The following PCSK5 variants were observed in gnomAD, a reference collection of about 807,000 sequenced individuals.
PCSK5 encodes the protein prohormone convertase 5.
PCSK5 carries 129 observed loss-of-function variants against 233.2 expected under a neutral mutation model. The observed-to-expected ratio is 0.55, with a 90% CI of 0.48 to 0.64. The LOEUF (loss-of-function observed/expected upper bound fraction) is 0.64, where lower values mean the gene tolerates loss of function less well. Among genes scored for constraint, PCSK5 ranks in the 30% least tolerant of loss-of-function variants. The pLI is 0.00. For synonymous variants in PCSK5, 825 were observed against 879.2 expected, an observed-to-expected ratio of 0.94 and a Z score of 1.09; for missense variants, 2,076 against 2,430.1, an observed-to-expected ratio of 0.85 and a Z score of 3.06.
rs1826343471 is a variant in PCSK5 at position 76,239,019 on chromosome 9, G to C, written c.2927G>C (p.Gly976Ala). ...GAGTGTGGAGATAGCTGCCCAGAGG[G>C]CCACTATGCCACTGAGGGGAACACC... ...QGECGDSCPEGHYATEGNTCL... is the reference protein window; with the variant it reads ...QGECGDSCPEAHYATEGNTCL... The change falls in exon 23 of 38, where the codon GGC becomes GCC. Residue 976 changes from glycine to alanine, a missense_variant. By Grantham distance (60) the Gly-to-Ala change is moderately conservative. Around this residue, in one of 6 missense-constraint regions of PCSK5, gnomAD observed 1,510 missense variants for 1,538.1 expected, o/e 0.98. Coordinates refer to ENST00000674117, the MANE Select transcript of PCSK5 (RefSeq NM_001372043.1). 1.2e-6 allele frequency: 2 copies of C among 1,611,968 alleles called. No homozygotes were observed. The highest frequency in any genetic ancestry group is 1.1e-5 in the South Asian group (1 of 90,736).
intron 24 of PCSK5, among the ~76,000 whole-genome samples, chr9:76,282,699 G>A (rs545427561): frequency 2.0e-5 from 3 of 152,270 alleles, no homozygotes; most frequent in Non-Finnish European, 4.4e-5. Flanking sequence ...GTGTGATGCC[G>A]AGGTTTGGGG....
chr9:75,901,140 T>G (rs1184404912), intron 1 of PCSK5, among the ~76,000 whole-genome samples: 1 of 152,182 alleles, frequency 6.6e-6, no homozygotes, highest in Non-Finnish European at 1.5e-5. Context: ...AAAAGGATTA[T>G]AAATCATTCT....
At chr9:76,294,194 CA>C (rs11415964) in intron 25 of PCSK5, among the ~76,000 whole-genome samples, 34,783 of 99,694 alleles carry the variant, frequency 0.35, 3,829 homozygotes, top group Middle Eastern at 0.44. Flanking sequence ...GATTTAGTCT[CA>C]AAAAAAAAAA....
chr9:75,892,665 A>AC (rs1177401970), intron 1 of PCSK5, among the ~76,000 whole-genome samples: 1 of 151,572 alleles, frequency 6.6e-6, no homozygotes, highest in Non-Finnish European at 1.5e-5. Context: ...ACCCGGGGAC[A>AC]CCCCCCGCCC....
chr9:76,170,418 A>C (rs1225346354), intron 13 of PCSK5, among the ~76,000 whole-genome samples: 1 of 152,220 alleles, frequency 6.6e-6, no homozygotes, highest in Non-Finnish European at 1.5e-5. Context: ...AGGTAGGCTC[A>C]GTCTGTTTCT....
intron 3 of PCSK5, among the ~76,000 whole-genome samples, chr9:76,004,167 A>C (rs543537559): frequency 6.6e-6 from 1 of 152,048 alleles, no homozygotes; most frequent in Non-Finnish European, 1.5e-5. Flanking sequence ...GAAACTGAGG[A>C]GGGTAGGAAG....
intron 5 of PCSK5, among the ~76,000 whole-genome samples, chr9:76,042,143 G>C (rs1454769034): frequency 1.3e-5 from 2 of 152,142 alleles, no homozygotes; most frequent in Non-Finnish European, 2.9e-5. Context: ...CAAGATCATT[G>C]CCCCCTTTTC....
At chr9:76,186,662 G>C (rs1302852434) in intron 17 of PCSK5, among the ~76,000 whole-genome samples, 1 of 152,056 alleles carries the variant, frequency 6.6e-6, no homozygotes, top group African/African-American at 2.4e-5. Flanking sequence ...TGCAACCTCT[G>C]TGTCCTGCTG....
At position 75,906,272 on chromosome 9, in the gene PCSK5, C is replaced by T. The variant is rs370194208; in HGVS notation, c.192+14899C>T. ...ACAGAGTCTCCCACTGTCGCCTAGGCTGGAGTGCAGTGGCGCAATCTCGGC... is the reference window on the plus strand; with the variant it reads ...ACAGAGTCTCCCACTGTCGCCTAGGTTGGAGTGCAGTGGCGCAATCTCGGC... On this transcript the variant is annotated intron_variant, in intron 1 of 37. Transcript: ENST00000674117. 4.4e-3 allele frequency among the ~76,000 whole-genome samples: 666 copies of T among 152,224 alleles called. 2 individuals carry two copies. Among genetic ancestry groups the T allele is most frequent in the African/African-American group, 0.015 (639 of 41,554 alleles).
chr9:76,064,723 C>T (rs1242055686), intron 5 of PCSK5, among the ~76,000 whole-genome samples: 1 of 148,062 alleles, frequency 6.8e-6, no homozygotes, highest in African/African-American at 2.5e-5. Flanking sequence ...CGCTCCTCAC[C>T]TCCCAGACGG....
In PCSK5 at chr9:75,992,554, G is replaced by A. The variant is rs373582895; in HGVS notation, c.411+6309G>A. On this transcript the variant is annotated intron_variant, in intron 3 of 37. Transcript: ENST00000674117. The stretch of plus-strand genomic sequence containing the variant: ...GCCAATAATGATTTTGGAGAATCCC[G>A]TAGTAAATAACTTTAAATACACACA... 1.8e-4 allele frequency among the ~76,000 whole-genome samples: 28 copies of A among 152,012 alleles called. No homozygotes were observed. The South Asian group carries it at 3.3e-3, about 18-fold the overall frequency.
At position 76,096,453 on chromosome 9, in the gene PCSK5, T is replaced by G. The variant is rs546328650; in HGVS notation, c.1107+351T>G. Among the ~76,000 whole-genome samples, 181 of 152,310 alleles carry G rather than the reference T, an allele frequency of 1.2e-3. 4 individuals are homozygous for G. In the South Asian group the frequency reaches 0.014, roughly 12 times the overall value. On this transcript the variant is annotated intron_variant, in intron 8 of 37. Transcript: ENST00000674117. ...AGTCCTGTACTCCTATCACTGTGTT[T>G]CCGCACCGACTTTTAACTTTAGCTT...
At chr9:76,085,745 G>A (rs994320357) in intron 7 of PCSK5, among the ~76,000 whole-genome samples, 18 of 152,172 alleles carry the variant, frequency 1.2e-4, no homozygotes, top group Admixed American at 9.8e-4. Context: ...TAGTAGAGGC[G>A]TGTGACAGTT....
intron 2 of PCSK5, among the ~76,000 whole-genome samples, chr9:75,945,641 T>C (rs1055397239): frequency 2.0e-5 from 3 of 151,736 alleles, no homozygotes; most frequent in Admixed American, 6.6e-5. Flanking sequence ...TGAAATAAAG[T>C]CTAATTTTTT....
At chr9:76,046,136 C>T (rs1344498139) in intron 5 of PCSK5, among the ~76,000 whole-genome samples, 1 of 139,190 alleles carries the variant, frequency 7.2e-6, no homozygotes, top group Non-Finnish European at 1.5e-5. Flanking sequence ...ACTTTAGTAG[C>T]ATTAACACAT....
At position 76,321,554 on chromosome 9, in the gene PCSK5, C is replaced by A; in HGVS notation, c.4017C>A (p.Cys1339Ter). The change falls in exon 31 of 38, where the codon TGC (cysteine) becomes TGA (stop). Residue 1339 changes from cysteine to a stop codon, truncating the protein, a stop_gained. Transcript: ENST00000674117. LOFTEE classifies it high-confidence loss of function. Reference sequence around the variant, plus strand: ...ACCACGGAGTGTGCCAGGAAAACTGCCCCGAGAGGCACGTGGCTGTGAAGG... The same window carrying A: ...ACCACGGAGTGTGCCAGGAAAACTGACCCGAGAGGCACGTGGCTGTGAAGG... ...VLHHGVCQEN[C>*]PERHVAVKGV... is the part of the protein sequence containing the mutation. 1.2e-6 allele frequency: 2 copies of A among 1,612,566 alleles called. No individual in the cohort carries two copies. Among genetic ancestry groups the A allele is most frequent in the Non-Finnish European group, 1.7e-6 (2 of 1,179,612 alleles).
At chr9:76,004,544 A>G (rs1317003558) in intron 3 of PCSK5, among the ~76,000 whole-genome samples, 1 of 152,186 alleles carries the variant, frequency 6.6e-6, no homozygotes, top group Non-Finnish European at 1.5e-5. Flanking sequence ...TTTAGCATTT[A>G]TTGATGACTT....
chr9:76,186,335 T>C (rs1242807445), intron 17 of PCSK5, among the ~76,000 whole-genome samples: 1 of 152,152 alleles, frequency 6.6e-6, no homozygotes, highest in African/African-American at 2.4e-5. Flanking sequence ...GTACCCAAAT[T>C]TTTGCCAGTA....
chr9:76,048,574 T>C (rs894159079), intron 5 of PCSK5, among the ~76,000 whole-genome samples: 2 of 152,228 alleles, frequency 1.3e-5, no homozygotes, highest in Non-Finnish European at 2.9e-5. Context: ...AAGTTCTGGG[T>C]TTAAGTTCTT....
Sources: gnomAD v4.1 joint callset for allele counts (sites outside exome capture counted in the v4.1 genomes callset) on GRCh38, gnomAD v4.1.1 for gene constraint, gnomAD v4.1.1 regional missense constraint, MANE v1.5 for transcripts, NCBI Gene and HGNC (gene_info 2026-07-23, HGNC 2026-07-21) for gene names.